PARD6G: variants seen among roughly 807,000 people sequenced by gnomAD.
The protein encoded by PARD6G is par-6 family cell polarity regulator gamma.
Under a neutral mutation model 10.7 loss-of-function variants are expected in PARD6G, and 7 were observed. That is an observed-to-expected ratio of 0.66 (90% CI 0.37 to 1.23). The LOEUF (loss-of-function observed/expected upper bound fraction) is 1.23, where lower values mean the gene tolerates loss of function less well. Among genes scored for constraint, PARD6G ranks in the 50% most tolerant of loss-of-function variants. The pLI, the probability that PARD6G is intolerant of heterozygous loss-of-function variation, is 0.02. For missense variants in PARD6G, 548 were observed against 571.8 expected, an observed-to-expected ratio of 0.96 and a Z score of 0.42; for synonymous variants, 287 against 269.4, an observed-to-expected ratio of 1.07 and a Z score of -0.64.
At chr18:80,221,116 T>C (rs1422166678) in intron 1 of PARD6G, among the ~76,000 whole-genome samples, 1 of 152,200 alleles carries the variant, frequency 6.6e-6, no homozygotes, top group Non-Finnish European at 1.5e-5. Context: ...CAGACCCAGA[T>C]GGTTTCACTG....
rs141218565 is a variant in PARD6G at position 80,200,251 on chromosome 18, G to A, written c.295+2459C>T. Among the ~76,000 whole-genome samples, 2 of 152,242 alleles carry A rather than the reference G, an allele frequency of 1.3e-5. No individual in the cohort carries two copies. Among genetic ancestry groups the A allele is most frequent in the African/African-American group, 4.8e-5 (2 of 41,534 alleles). ...CAAACACACAGATTATGAAACATCAGCACAGATTACTATGCAGGGAGGGTG... is the reference window on the plus strand; with the variant it reads ...CAAACACACAGATTATGAAACATCAACACAGATTACTATGCAGGGAGGGTG... On this transcript the variant is annotated intron_variant, in intron 2 of 2. Transcript: ENST00000353265. This position sits in a 1 kb window ranked among gnomAD's most constrained non-coding sequence, Gnocchi z 4.4.
At chr18:80,237,738 A>G (rs915457300) in intron 1 of PARD6G, among the ~76,000 whole-genome samples, 1 of 152,244 alleles carries the variant, frequency 6.6e-6, no homozygotes, top group Non-Finnish European at 1.5e-5. Flanking sequence ...CAAAAGACAC[A>G]TGAAAAAATG....
Position 80,234,378 on chromosome 18 carries a change from C to T in PARD6G, c.72+12899G>A, listed in dbSNP as rs185527513. On this transcript the variant is annotated intron_variant, in intron 1 of 2. Coordinates refer to ENST00000353265, the MANE Select transcript of PARD6G (RefSeq NM_032510.4). ...AGAAGGGTTGTGAAAGCCCTTCACA[C>T]ATCAGCAGTAGGGACCTTAAATTCT... 2.1e-3 allele frequency among the ~76,000 whole-genome samples: 317 copies of T among 152,298 alleles called. 1 individual carries two copies. The highest frequency in any genetic ancestry group is 3.7e-3 in the Non-Finnish European group (255 of 68,022).
intron 2 of PARD6G, among the ~76,000 whole-genome samples, chr18:80,179,206 G>C (rs937872899): frequency 2.0e-5 from 3 of 150,728 alleles, no homozygotes; most frequent in African/African-American, 7.3e-5. Context: ...GGAAGGGCCT[G>C]AGGGTTGGCT....
At chr18:80,224,400 G>C (rs1383809495) in intron 1 of PARD6G, among the ~76,000 whole-genome samples, 2 of 152,160 alleles carry the variant, frequency 1.3e-5, no homozygotes, top group Non-Finnish European at 2.9e-5. Context: ...CTGCCTGACT[G>C]CCTGGGCCCT....
rs993501826 is a variant in PARD6G, at chr18:80,183,443, G to T, written c.295+19267C>A. Among the ~76,000 whole-genome samples the T allele has an allele frequency of 2.0e-5, 3 of 152,086 alleles. No homozygotes were observed. Among genetic ancestry groups the T allele is most frequent in the Admixed American group, 6.5e-5 (1 of 15,272 alleles). On this transcript the variant is annotated intron_variant, in intron 2 of 2. Coordinates refer to ENST00000353265, the MANE Select transcript of PARD6G (RefSeq NM_032510.4). The surrounding 1 kb of genome is among the most constrained non-coding windows in gnomAD (Gnocchi z 4.5). ...AGGGCAGCACCAGTCAGAATGGGTGGAGCAGGCCCCAGAGCTTCTAATGGT... is the reference window on the plus strand; with the variant it reads ...AGGGCAGCACCAGTCAGAATGGGTGTAGCAGGCCCCAGAGCTTCTAATGGT...
rs1967011928 is a variant in PARD6G at position 80,201,987 on chromosome 18, C to G, written c.295+723G>C. 1 of 152,314 alleles carries G rather than the reference C, an allele frequency of 6.6e-6. No individual in the cohort carries two copies. Among genetic ancestry groups the G allele is most frequent in the Non-Finnish European group, 1.5e-5 (1 of 68,124 alleles). The allele number at this position is 152,314 out of a possible 1,614,324, so 9.4% of individuals were successfully genotyped here. ...ACCTTGCAACTGTCACCACTGGCTG[C>G]TTGGTTCCTTGAGGTGGTCAGTGTT... is the stretch of plus-strand genomic sequence containing the variant. On this transcript the variant is annotated intron_variant, in intron 2 of 2. Coordinates refer to ENST00000353265, the MANE Select transcript of PARD6G (RefSeq NM_032510.4). This position sits in a 1 kb window ranked among gnomAD's most constrained non-coding sequence, Gnocchi z 5.9.
chr18:80,232,844 C>A (rs1471005565), intron 1 of PARD6G, among the ~76,000 whole-genome samples: 3 of 152,170 alleles, frequency 2.0e-5, no homozygotes, highest in Non-Finnish European at 2.9e-5. Flanking sequence ...AGGAAGCAGC[C>A]CATCCCTGAG....
At chr18:80,214,421 A>C (rs1967140971) in intron 1 of PARD6G, among the ~76,000 whole-genome samples, 2 of 152,184 alleles carry the variant, frequency 1.3e-5, no homozygotes, top group Non-Finnish European at 2.9e-5. Flanking sequence ...AGCTGAGATC[A>C]CACTACTGTA....
Position 80,167,907 on chromosome 18 carries a change from A to C in PARD6G, c.296-7301T>G, listed in dbSNP as rs2052747254. 2.0e-5 allele frequency among the ~76,000 whole-genome samples: 3 copies of C among 152,158 alleles called. No individual in the cohort carries two copies. The South Asian group carries it at 6.2e-4, about 32-fold the overall frequency. On this transcript the variant is annotated intron_variant, in intron 2 of 2. Transcript: ENST00000353265. ...ATGACAGGAGGTTGATGAGCTAAGT[A>C]ATGTCTACCACTGTCAAATGGCTGT...
chr18:80,225,178 G>T (rs1009104589), intron 1 of PARD6G, among the ~76,000 whole-genome samples: 15 of 152,168 alleles, frequency 9.9e-5, no homozygotes, highest in Non-Finnish European at 1.8e-4. Flanking sequence ...AGCCATCACC[G>T]CATGTTGGAC....
intron 2 of PARD6G, among the ~76,000 whole-genome samples, chr18:80,177,445 C>T (rs12454428): frequency 0.85 from 126,329 of 149,216 alleles, 53,329 homozygotes; most frequent in Non-Finnish European, 0.87. Flanking sequence ...ACAGGATAAA[C>T]CACAGTCCAA....
intron 2 of PARD6G, among the ~76,000 whole-genome samples, chr18:80,164,217 C>G (rs1361060018): frequency 3.3e-5 from 5 of 152,298 alleles, no homozygotes; most frequent in East Asian, 3.9e-4. Context: ...AGAGACTAAG[C>G]AGGGAGTGAG....
intron 1 of PARD6G, among the ~76,000 whole-genome samples, chr18:80,245,855 G>A (rs1196810513): frequency 1.3e-5 from 2 of 152,054 alleles, no homozygotes; most frequent in African/African-American, 2.4e-5. Flanking sequence ...TGGGTGTGGG[G>A]CCGAGGTCAT....
chr18:80,207,076 T>C (rs986384555), intron 1 of PARD6G, among the ~76,000 whole-genome samples: 1 of 132,468 alleles, frequency 7.5e-6, no homozygotes, highest in Non-Finnish European at 1.7e-5. Context: ...TATCAATAAA[T>C]ACTTAACAGT....
chr18:80,192,491 C>T lies in PARD6G; in HGVS notation c.295+10219G>A, dbSNP rs1169705167. On this transcript the variant is annotated intron_variant, in intron 2 of 2. Transcript: ENST00000353265. This position sits in a 1 kb window ranked among gnomAD's most constrained non-coding sequence, Gnocchi z 4.9. Reference sequence around the variant, plus strand: ...GGACGGGGGAGAGCAGGTGCCACGGCGGGAGCCCAGGGGACGGGGGAGAGC... The same window carrying T: ...GGACGGGGGAGAGCAGGTGCCACGGTGGGAGCCCAGGGGACGGGGGAGAGC... 6.8e-6 allele frequency among the ~76,000 whole-genome samples: 1 copy of T among 147,642 alleles called. No individual in the cohort carries two copies. Among genetic ancestry groups the T allele is most frequent in the Non-Finnish European group, 1.5e-5 (1 of 66,770 alleles).
Position 80,160,266 on chromosome 18 carries a change from C to T in PARD6G, c.636G>A (p.Val212=). The T allele has an allele frequency of 6.2e-7, 1 of 1,612,650 alleles. No homozygotes were observed. Among genetic ancestry groups the T allele is most frequent in the Non-Finnish European group, 8.5e-7 (1 of 1,179,810 alleles). Reference sequence around the variant, plus strand: ...CGTTCACCTCCAGGACCTCGTCATTCACAGCCAGCAGCCCGGTGCTCTCCG... The same window carrying T: ...CGTTCACCTCCAGGACCTCGTCATTTACAGCCAGCAGCCCGGTGCTCTCCG... ...GLAESTGLLA[V]NDEVLEVNGI... is the part of the protein sequence containing the mutation. The change falls in exon 3 of 3, where the codon GTG becomes GTA. Residue 212 remains valine (V), a synonymous_variant. Transcript: ENST00000353265.
At chr18:80,171,017 A>C (rs928886855) in intron 2 of PARD6G, 5 of 152,214 alleles carry the variant, frequency 3.3e-5, no homozygotes, top group African/African-American at 1.2e-4. Context: ...TATTTAAGAA[A>C]CACCTCATGT....
Position 80,158,412 on chromosome 18 carries a change from C to T in PARD6G, c.*1359G>A, listed in dbSNP as rs2052670165. 6.6e-6 allele frequency: 1 copy of T among 152,242 alleles called. No individual in the cohort carries two copies. The highest frequency in any genetic ancestry group is 2.4e-5 in the African/African-American group (1 of 41,460). The allele number at this position is 152,242 out of a possible 1,614,324, so 9.4% of individuals were successfully genotyped here. A position where few individuals can be genotyped will look rare whatever the true frequency, so the allele number is the denominator to read the frequency against. ...TTCCGAAATCGCCCTCAGAGTCAGT[C>T]AACCCACAGGAAAAGGGTCATCTTA... On this transcript the variant is annotated 3_prime_UTR_variant, in exon 3 of 3. Transcript: ENST00000353265.
Sources: allele counts gnomAD v4.1 joint callset (sites outside exome capture counted in the v4.1 genomes callset), GRCh38; gene constraint gnomAD v4.1.1; non-coding constraint Gnocchi (gnomAD v3.1); transcripts MANE v1.5; gene names NCBI Gene and HGNC (gene_info 2026-07-23, HGNC 2026-07-21).